LIPA: variants seen among roughly 807,000 people sequenced by gnomAD.
LIPA encodes lysosomal acid lipase/cholesteryl ester hydrolase.
LIPA carries 26 observed loss-of-function variants against 40.6 expected under a neutral mutation model. That is an observed-to-expected ratio of 0.64 (90% confidence interval 0.47 to 0.89). The LOEUF (loss-of-function observed/expected upper bound fraction) is 0.89, where lower values mean the gene tolerates loss of function less well. Among genes scored for constraint, LIPA ranks in the 40% least tolerant of loss-of-function variants. LIPA has a pLI of 0.00. For synonymous variants in LIPA, 188 were observed against 168.4 expected, an observed-to-expected ratio of 1.12 and a Z score of -0.90; for missense variants, 455 against 479.6, an observed-to-expected ratio of 0.95 and a Z score of 0.48.
intron 1 of LIPA, among the ~76,000 whole-genome samples, chr10:89,257,113 G>C (rs1341359006): frequency 1.3e-5 from 2 of 152,196 alleles, no homozygotes; most frequent in African/African-American, 4.8e-5. Context: ...TCAATAACAA[G>C]GGTGGCATTG....
intron 2 of LIPA, among the ~76,000 whole-genome samples, chr10:89,348,321 G>C (rs953210831): frequency 1.3e-5 from 2 of 149,812 alleles, no homozygotes; most frequent in Non-Finnish European, 2.9e-5. Context: ...TTTCCATTGC[G>C]ACAAAGTCAG....
intron 4 of LIPA, among the ~76,000 whole-genome samples, chr10:89,227,287 A>G (rs894980826): frequency 3.9e-5 from 6 of 152,250 alleles, no homozygotes; most frequent in African/African-American, 2.4e-5. Context: ...ATTCTCCTGT[A>G]TCTGGCTTAA....
intron 4 of LIPA, among the ~76,000 whole-genome samples, chr10:89,227,329 T>C (rs560782412): frequency 6.6e-6 from 1 of 152,386 alleles, no homozygotes; most frequent in East Asian, 1.9e-4. Context: ...TTGTAAGTTG[T>C]TCATTCTTAT....
At chr10:89,289,497 T>G (rs555673211) in intron 1 of LIPA, among the ~76,000 whole-genome samples, 2 of 152,326 alleles carry the variant, frequency 1.3e-5, no homozygotes, top group South Asian at 4.1e-4. Context: ...CCTTTTGGTC[T>G]GGGTAGACAC....
At chr10:89,265,116 T>G (rs61853120) in intron 1 of LIPA, among the ~76,000 whole-genome samples, 4,479 of 152,036 alleles carry the variant, frequency 0.029, 120 homozygotes, top group Admixed American at 0.091. Flanking sequence ...GGCCACAACT[T>G]TGTTCTGGAG....
rs113650131 is a variant in LIPA at position 89,397,681 on chromosome 10, A to ATTT, written c.61+15107_61+15109dup. Among the ~76,000 whole-genome samples the ATTT allele has an allele frequency of 9.2e-5, 14 of 151,666 alleles. No homozygotes were observed. In the East Asian group the frequency reaches 9.7e-4, roughly 11 times the overall value. On this transcript the variant is annotated intron_variant, in intron 2 of 8. Transcript: ENST00000371837. ...ATGAGTCATTGTCTTGATCCAGAGC[A>ATTT]TTTTTTTTCATATTTATTGGCCATT...
At chr10:89,365,993 C>A (rs1187660417) in intron 2 of LIPA, among the ~76,000 whole-genome samples, 1 of 152,152 alleles carries the variant, frequency 6.6e-6, no homozygotes, top group African/African-American at 2.4e-5. Flanking sequence ...TGAAGAAAGT[C>A]ATTGGTAGCT....
Position 89,226,923 on chromosome 10 carries a change from A to T in LIPA, c.510T>A (p.Tyr170Ter). ...LNKTGQEQVY[Y>*]VGHSQGTTIG... is the part of the protein sequence containing the mutation. Reference sequence around the variant, plus strand: ...TAGTGGTGCCTTGAGAATGACCCACATAATACACTTGTTCTTGGCCAGTTT... The same window carrying T: ...TAGTGGTGCCTTGAGAATGACCCACTTAATACACTTGTTCTTGGCCAGTTT... Residue 170 changes from tyrosine to a stop codon, truncating the protein, a stop_gained, in exon 5 of 10, where the codon TAT (tyrosine) becomes TAA (stop). Transcript: ENST00000336233. LOFTEE classifies it high-confidence loss of function. 1 of 1,608,670 alleles carries T rather than the reference A, an allele frequency of 6.2e-7. No individual in the cohort carries two copies. Among genetic ancestry groups the T allele is most frequent in the Non-Finnish European group, 8.5e-7 (1 of 1,175,296 alleles).
chr10:89,234,247 G>C (rs963995140), intron 3 of LIPA, among the ~76,000 whole-genome samples: 3 of 152,224 alleles, frequency 2.0e-5, no homozygotes, highest in African/African-American at 7.2e-5. Flanking sequence ...GCCTGATTCT[G>C]ACGCGCAGCC....
At chr10:89,279,626 A>T (rs968703453) in intron 1 of LIPA, among the ~76,000 whole-genome samples, 88 of 152,256 alleles carry the variant, frequency 5.8e-4, no homozygotes, top group African/African-American at 2.1e-3. Context: ...AGAAAAATTC[A>T]TTCATTTCCT....
intron 1 of LIPA, chr10:89,283,711 A>G (rs1336237305): frequency 6.6e-6 from 1 of 152,204 alleles, no homozygotes; most frequent in Non-Finnish European, 1.5e-5. Flanking sequence ...TGTTGTTTGT[A>G]CTTGCCAGGA....
At chr10:89,412,197 G>A (rs1387466788) in intron 2 of LIPA, among the ~76,000 whole-genome samples, 1 of 152,164 alleles carries the variant, frequency 6.6e-6, no homozygotes, top group African/African-American at 2.4e-5. Context: ...GGGGTGTCCT[G>A]TTTAGAGGGG....
At chr10:89,394,776 A>G (rs184325963) in intron 2 of LIPA, among the ~76,000 whole-genome samples, 4 of 151,982 alleles carry the variant, frequency 2.6e-5, no homozygotes, top group African/African-American at 7.3e-5. Context: ...CATCATCACT[A>G]TCTAGTTCAA....
intron 8 of LIPA, among the ~76,000 whole-genome samples, chr10:89,220,146 A>AG (rs1306951985): frequency 6.6e-6 from 1 of 152,206 alleles, no homozygotes; most frequent in Non-Finnish European, 1.5e-5. Context: ...GAGTTGGCCT[A>AG]GGACAGCCTT....
chr10:89,320,115 T>A lies in LIPA; in HGVS notation c.-2+22496A>T, dbSNP rs1843563322. Among the ~76,000 whole-genome samples, 4 of 152,214 alleles carry A rather than the reference T, an allele frequency of 2.6e-5. No individual in the cohort carries two copies. In the South Asian group the frequency reaches 8.3e-4, roughly 32 times the overall value. On this transcript the variant is annotated intron_variant, in intron 1 of 5. Coordinates refer to the LIPA transcript ENST00000282673. Reference sequence around the variant, plus strand: ...GACAAACCCACAGCCAATATCATACTGAATGGGCAAAAACTGGAAGTATTC... The same window carrying A: ...GACAAACCCACAGCCAATATCATACAGAATGGGCAAAAACTGGAAGTATTC...
At chr10:89,407,508 TCAGACAAG>T (rs1841431762) in intron 2 of LIPA, among the ~76,000 whole-genome samples, 1 of 152,202 alleles carries the variant, frequency 6.6e-6, no homozygotes, top group Non-Finnish European at 1.5e-5. Flanking sequence ...GGATCCCTCC[TCAGACAAG>T]CAGGCCTAAC....
intron 8 of LIPA, among the ~76,000 whole-genome samples, chr10:89,217,884 C>G (rs1398189552): frequency 6.6e-6 from 1 of 152,126 alleles, no homozygotes; most frequent in Non-Finnish European, 1.5e-5. Flanking sequence ...CCAAAACTTA[C>G]CATTTCAAAT....
chr10:89,384,484 C>T lies in LIPA; in HGVS notation c.61+28307G>A, dbSNP rs114258959. 1.5e-4 allele frequency: 241 copies of T among 1,614,108 alleles called. No homozygotes were observed. In the African/African-American group the frequency reaches 2.8e-3, roughly 19 times the overall value. On this transcript the variant is annotated intron_variant, in intron 2 of 8. Coordinates refer to the LIPA transcript ENST00000371837. ...CCACTACGGCCGTTTCCAAGAACATCATGGGAAATCTCAAGATAAAGCAAT... is the reference window on the plus strand; with the variant it reads ...CCACTACGGCCGTTTCCAAGAACATTATGGGAAATCTCAAGATAAAGCAAT...
intron 3 of LIPA, among the ~76,000 whole-genome samples, chr10:89,230,220 G>A (rs1842823450): frequency 6.6e-6 from 1 of 152,154 alleles, no homozygotes; most frequent in Non-Finnish European, 1.5e-5. Flanking sequence ...TCTCAGCACT[G>A]AGAACACAGC....
Sources: allele counts gnomAD v4.1 joint callset (sites outside exome capture counted in the v4.1 genomes callset), GRCh38; gene constraint gnomAD v4.1.1; transcripts MANE v1.5; gene names NCBI Gene and HGNC (gene_info 2026-07-23, HGNC 2026-07-21).